Variants in MECOM observed in about 807,000 individuals in gnomAD.
The protein encoded by MECOM is MDS1 and EVI1 complex locus, also known as histone-lysine N-methyltransferase MECOM.
MECOM carries 13 observed loss-of-function variants against 116.3 expected under a neutral mutation model. The ratio of observed to expected loss-of-function variants is 0.11; its 90% CI spans 0.07 to 0.18. MECOM has a LOEUF of 0.18. Ranked by LOEUF, MECOM falls within the 10% of genes least tolerant of loss-of-function variation. MECOM has a pLI of 1.00. For synonymous variants in MECOM, 528 were observed against 535.2 expected, an observed-to-expected ratio of 0.99 and a Z score of 0.19; for missense variants, 1,299 against 1,509.0, an observed-to-expected ratio of 0.86 and a Z score of 2.31.
chr3:169,663,658 T>A lies in MECOM; in HGVS notation c.-286A>T, dbSNP rs889291871. 8.7e-6 allele frequency: 4 copies of A among 462,348 alleles called. No individual in the cohort carries two copies. Among genetic ancestry groups the A allele is most frequent in the Non-Finnish European group, 1.5e-5 (4 of 261,118 alleles). 28.6% of individuals were successfully genotyped at this position (462,348 alleles called of 1,614,324 possible). On this transcript the variant is annotated 5_prime_UTR_variant, in exon 1 of 17. Transcript: ENST00000651503. Reference sequence around the variant, plus strand: ...TCCACACTCGCTATCTCTCCAGCATTGTCAGTTTGGACACCTTCGCACATG... The same window carrying A: ...TCCACACTCGCTATCTCTCCAGCATAGTCAGTTTGGACACCTTCGCACATG...
At chr3:169,311,222 T>A (rs1577674655) in intron 2 of MECOM, among the ~76,000 whole-genome samples, 1 of 152,146 alleles carries the variant, frequency 6.6e-6, no homozygotes, top group African/African-American at 2.4e-5. Context: ...AGCTTTGCCT[T>A]AGGAAAGGAA....
chr3:169,456,101 A>G (rs937383626), intron 1 of MECOM, among the ~76,000 whole-genome samples: 1 of 152,210 alleles, frequency 6.6e-6, no homozygotes, highest in Non-Finnish European at 1.5e-5. Context: ...TTGGAAATTT[A>G]TATGGTCTGG....
chr3:169,358,363 G>A (rs1727631538), intron 2 of MECOM, among the ~76,000 whole-genome samples: 1 of 151,640 alleles, frequency 6.6e-6, no homozygotes, highest in African/African-American at 2.4e-5. Context: ...CATTCTTCCT[G>A]AAAATACTAG....
intron 1 of MECOM, among the ~76,000 whole-genome samples, chr3:169,432,955 G>T (rs750950029): frequency 1.3e-5 from 2 of 152,116 alleles, no homozygotes; most frequent in Non-Finnish European, 1.5e-5. Context: ...ACTTCTCTGG[G>T]CAAAAAGCTC....
chr3:169,438,935 A>T (rs911396202), intron 1 of MECOM, among the ~76,000 whole-genome samples: 1 of 152,084 alleles, frequency 6.6e-6, no homozygotes, highest in Non-Finnish European at 1.5e-5. Flanking sequence ...TAAATTAAAA[A>T]CAATCTCAAG....
At chr3:169,510,542 G>A (rs1466280447) in intron 1 of MECOM, among the ~76,000 whole-genome samples, 3 of 152,304 alleles carry the variant, frequency 2.0e-5, no homozygotes, top group Admixed American at 2.0e-4. Context: ...TGCCAACTCT[G>A]CATTGTCTTA....
intron 2 of MECOM, among the ~76,000 whole-genome samples, chr3:169,315,638 CT>C (rs936208501): frequency 2.6e-5 from 4 of 152,170 alleles, no homozygotes; most frequent in African/African-American, 9.7e-5. Context: ...CCACAGTTCC[CT>C]CCAGCCTCAA....
intron 1 of MECOM, among the ~76,000 whole-genome samples, chr3:169,393,977 T>C (rs6794549): frequency 0.026 from 3,951 of 152,032 alleles, 120 homozygotes; most frequent in African/African-American, 0.071. Context: ...TGAGAAAAAA[T>C]TATAACTGTT....
At chr3:169,381,050 T>C in intron 2 of MECOM, 137 bp downstream of exon 2, 1 of 777,242 alleles carries the variant, frequency 1.3e-6, no homozygotes, top group Non-Finnish European at 2.0e-6. Flanking sequence ...AGTGAGATTG[T>C]AAAGGAAGTT....
chr3:169,321,599 C>G (rs774646720), intron 2 of MECOM, among the ~76,000 whole-genome samples: 5 of 151,886 alleles, frequency 3.3e-5, no homozygotes, highest in Non-Finnish European at 7.4e-5. Flanking sequence ...GAAAATGTAT[C>G]TCAGAAAAGA....
intron 1 of MECOM, among the ~76,000 whole-genome samples, chr3:169,454,390 G>A (rs1222654613): frequency 2.5e-3 from 276 of 111,650 alleles, no homozygotes; most frequent in African/African-American, 4.0e-3. Flanking sequence ...TTTCTTTCAG[G>A]AAAAAAAAAA....
In MECOM at chr3:169,084,610, A is replaced by G; in HGVS notation, c.*299T>C. ...CCACCCATACCCTAAGGTGGGGTAA[A>G]CTGGAAGATGCCTTCAGCCCACCAA... is the stretch of plus-strand genomic sequence containing the variant. On this transcript the variant is annotated 3_prime_UTR_variant, in exon 17 of 17. Coordinates refer to ENST00000651503, the MANE Select transcript of MECOM (RefSeq NM_004991.4). 1 of 327,968 alleles carries G rather than the reference A, an allele frequency of 3.0e-6. No homozygotes were observed. The highest frequency in any genetic ancestry group is 5.6e-6 in the Non-Finnish European group (1 of 177,302). 20.3% of individuals were successfully genotyped at this position (327,968 alleles called of 1,614,324 possible).
Position 169,663,390 on chromosome 3 carries a change from A to T in MECOM, c.-18T>A, listed in dbSNP as rs1156547857. The stretch of plus-strand genomic sequence containing the variant: ...GATCTCATGCTGTGCCCAGTCCTGC[A>T]GCCGCTGGTGTGTGGTTGGGGCTTT... On this transcript the variant is annotated 5_prime_UTR_variant, in exon 1 of 17. Coordinates refer to ENST00000651503, the MANE Select transcript of MECOM (RefSeq NM_004991.4). 6.2e-7 allele frequency: 1 copy of T among 1,607,940 alleles called. No homozygotes were observed. The highest frequency in any genetic ancestry group is 1.3e-5 in the African/African-American group (1 of 74,674).
In MECOM at chr3:169,445,764, G is replaced by T. The variant is rs545900043; in HGVS notation, c.38-64240C>A. 7.9e-5 allele frequency among the ~76,000 whole-genome samples: 12 copies of T among 152,274 alleles called. No individual in the cohort carries two copies. In the South Asian group the frequency reaches 1.0e-3, roughly 13 times the overall value. Reference sequence around the variant, plus strand: ...GCCCATAAAAGCAGTCAAGAGAGAGGCTCTACCCTGCAAAGCCACAGGGGC... The same window carrying T: ...GCCCATAAAAGCAGTCAAGAGAGAGTCTCTACCCTGCAAAGCCACAGGGGC... On this transcript the variant is annotated intron_variant, in intron 1 of 16. Transcript: ENST00000651503.
At chr3:169,531,872 A>G (rs565258215) in intron 1 of MECOM, among the ~76,000 whole-genome samples, 7 of 152,322 alleles carry the variant, frequency 4.6e-5, no homozygotes, top group African/African-American at 1.7e-4. Context: ...GCAGATTTGG[A>G]GCCACAGCTG....
At chr3:169,422,452 G>A (rs912108495) in intron 1 of MECOM, among the ~76,000 whole-genome samples, 15 of 152,162 alleles carry the variant, frequency 9.9e-5, no homozygotes, top group African/African-American at 3.1e-4. Context: ...AAATTACAGA[G>A]AAAGAGTAAA....
chr3:169,455,328 T>C (rs1186131477), intron 1 of MECOM, among the ~76,000 whole-genome samples: 1 of 152,212 alleles, frequency 6.6e-6, no homozygotes, highest in Non-Finnish European at 1.5e-5. Flanking sequence ...TTTAGGGATA[T>C]TTATATCCAT....
At chr3:169,347,954 CT>C (rs1560160676) in intron 2 of MECOM, among the ~76,000 whole-genome samples, 1 of 151,970 alleles carries the variant, frequency 6.6e-6, no homozygotes, top group Non-Finnish European at 1.5e-5. Flanking sequence ...CAGGCTAGAA[CT>C]TAATTGGAAA....
chr3:169,427,375 A>G (rs990449443), intron 1 of MECOM, among the ~76,000 whole-genome samples: 3 of 152,166 alleles, frequency 2.0e-5, no homozygotes, highest in African/African-American at 7.2e-5. Context: ...TAATTATGTC[A>G]AAGAATGAGG....
Sources: allele counts gnomAD v4.1 joint callset (sites outside exome capture counted in the v4.1 genomes callset), GRCh38; gene constraint gnomAD v4.1.1; transcripts MANE v1.5; gene names NCBI Gene and HGNC (gene_info 2026-07-23, HGNC 2026-07-21).